Variants in KIF21B observed in about 807,000 individuals in gnomAD.
KIF21B encodes the protein kinesin family member 21B.
In KIF21B, 85 loss-of-function variants were observed where a neutral mutation model predicts 192.9. The ratio of observed to expected loss-of-function variants is 0.44; its 90% CI spans 0.37 to 0.53. The LOEUF (loss-of-function observed/expected upper bound fraction) is 0.53. Among genes scored for constraint, KIF21B ranks in the 20% least tolerant of loss-of-function variants. KIF21B has a pLI of 0.00. For missense variants in KIF21B, 1,716 were observed against 2,194.8 expected, an observed-to-expected ratio of 0.78 and a Z score of 4.36; for synonymous variants, 832 against 884.6, an observed-to-expected ratio of 0.94 and a Z score of 1.05.
rs1225521616 is a variant in KIF21B at position 200,970,680 on chromosome 1, C to T, written c.*2841G>A. On this transcript the variant is annotated 3_prime_UTR_variant, in exon 35 of 35. Transcript: ENST00000461742. ...ATCCAGGGAACCCGCTCATAAGCTT[C>T]GAAAGCACAAAGTGGGGCTTGACCC... 2 of 152,466 alleles carry T rather than the reference C, an allele frequency of 1.3e-5. No individual in the cohort carries two copies. The highest frequency in any genetic ancestry group is 2.9e-5 in the Non-Finnish European group (2 of 68,136). 9.4% of individuals were successfully genotyped at this position (152,466 alleles called of 1,614,324 possible).
chr1:200,994,115 G>A (rs1430567212), intron 15 of KIF21B, among the ~76,000 whole-genome samples: 2 of 152,160 alleles, frequency 1.3e-5, no homozygotes, highest in African/African-American at 2.4e-5. Context: ...TCATCCACCC[G>A]ACTTTGCATG....
chr1:200,973,592 C>T lies in KIF21B; in HGVS notation c.4815-14G>A. 1 of 1,522,084 alleles carries T rather than the reference C, an allele frequency of 6.6e-7. No homozygotes were observed. Among genetic ancestry groups the T allele is most frequent in the South Asian group, 1.2e-5 (1 of 82,186 alleles). 94.3% of individuals were successfully genotyped at this position (1,522,084 alleles called of 1,614,324 possible). On this transcript the variant is annotated splice_polypyrimidine_tract_variant and intron_variant, in intron 34 of 34. Transcript: ENST00000461742. Reference sequence around the variant, plus strand: ...ACCGTCAGGTCACTGGGGTGGAGGACAAAGTGGAGGGGTGCCGGTCAGCTC... The same window carrying T: ...ACCGTCAGGTCACTGGGGTGGAGGATAAAGTGGAGGGGTGCCGGTCAGCTC...
At chr1:200,989,878 T>G in intron 21 of KIF21B, 64 bp downstream of exon 21, 2 of 1,333,496 alleles carry the variant, frequency 1.5e-6, no homozygotes, top group Non-Finnish European at 2.1e-6. Flanking sequence ...GGCTTCACAC[T>G]AGGGTATATC....
chr1:201,012,534 C>CCA (rs1349040414), intron 1 of KIF21B, among the ~76,000 whole-genome samples: 1 of 152,158 alleles, frequency 6.6e-6, no homozygotes, highest in African/African-American at 2.4e-5. Flanking sequence ...AGTGGTTAAG[C>CCA]CACACACACA....
At chr1:200,973,777 G>A (rs1352868228) in intron 34 of KIF21B, 199 bp from the exon 35 acceptor site, 6 of 1,442,652 alleles carry the variant, frequency 4.2e-6, no homozygotes, top group Non-Finnish European at 5.4e-6. Flanking sequence ...GCACTCAGAG[G>A]CCCCCAGGGG....
chr1:200,990,588 C>T lies in KIF21B; in HGVS notation c.2823G>A (p.Glu941=). The T allele has an allele frequency of 6.2e-7, 1 of 1,613,988 alleles. No homozygotes were observed. Among genetic ancestry groups the T allele is most frequent in the Non-Finnish European group, 8.5e-7 (1 of 1,179,974 alleles). ...MTIVNLEADM[E]RLIKKREELF... The stretch of plus-strand genomic sequence containing the variant: ...AGGCAGGGCTCACCTTGATGAGCCG[C>T]TCCATGTCAGCCTCCAGGTTGACAA... The change falls in exon 19 of 35, where the codon GAG becomes GAA. Residue 941 remains glutamate, a synonymous_variant. Transcript: ENST00000461742. This position sits in a 1 kb window ranked among gnomAD's most constrained non-coding sequence, Gnocchi z 5.4.
intron 1 of KIF21B, among the ~76,000 whole-genome samples, chr1:201,014,238 G>A (rs980991225): frequency 6.6e-6 from 1 of 152,268 alleles, no homozygotes; most frequent in East Asian, 1.9e-4. Context: ...GCACGCGGAG[G>A]CCAGGGACAT....
intron 15 of KIF21B, 26 bp downstream of exon 15, chr1:200,996,170 C>T (rs1657050901): frequency 3.7e-6 from 6 of 1,609,134 alleles, no homozygotes; most frequent in Non-Finnish European, 5.1e-6. Flanking sequence ...ACTCCAGGCC[C>T]CACTCCTCAC....
intron 34 of KIF21B, chr1:200,974,338 A>G (rs1377264499): frequency 2.3e-6 from 2 of 876,504 alleles, no homozygotes; most frequent in South Asian, 1.8e-5. Context: ...CTCCCCACAC[A>G]GGGGGCCAGA....
chr1:200,981,062 C>T lies in KIF21B; in HGVS notation c.3877G>A (p.Ala1293Thr). The T allele has an allele frequency of 1.2e-6, 2 of 1,605,724 alleles. No homozygotes were observed. The highest frequency in any genetic ancestry group is 1.7e-5 in the Admixed American group (1 of 57,848). ...ACACACTGCAGTGGGGCCGTCCGTG[C>T]ACCCTTGGCTCCTCCAACCGGGGAG... ...IISPVGGAKG[A>T]RTAPLQCVSM... The change falls in exon 29 of 35, where the codon GCA becomes ACA. Residue 1293 changes from alanine to threonine, a missense_variant. Ala to Thr is a moderately conservative substitution (Grantham distance 58). Transcript: ENST00000461742.
In KIF21B at chr1:200,975,577, G is replaced by A; in HGVS notation, c.4536C>T (p.Ile1512=). 7.4e-6 allele frequency: 12 copies of A among 1,614,050 alleles called. No homozygotes were observed. Among genetic ancestry groups the A allele is most frequent in the Non-Finnish European group, 1.0e-5 (12 of 1,179,922 alleles). Residue 1512 remains isoleucine, a synonymous_variant, in exon 33 of 35, where the codon ATC becomes ATT. Transcript: ENST00000461742. The surrounding 1 kb of genome is among the most constrained non-coding windows in gnomAD (Gnocchi z 4.3). ...PHYDGIECLA[I]QGDILFSGSR... ...AGCCACTGAACAGGATGTCTCCCTG[G>A]ATGGCGAGACACTCGATGCCATCGT...
chr1:200,973,712 C>T, intron 34 of KIF21B, 134 bp from the exon 35 acceptor site: 4 of 1,487,914 alleles, frequency 2.7e-6, no homozygotes, highest in South Asian at 2.6e-5. Flanking sequence ...GCAAGCATGG[C>T]TTACGGGGAG....
chr1:200,997,460 T>C (rs1014354350), intron 14 of KIF21B, among the ~76,000 whole-genome samples: 1 of 152,174 alleles, frequency 6.6e-6, no homozygotes, highest in Non-Finnish European at 1.5e-5. Flanking sequence ...AAAACTCCAA[T>C]TCGGCCAGGC....
chr1:201,000,673 G>A lies in KIF21B; in HGVS notation c.1466+44C>T, dbSNP rs750332659. The A allele has an allele frequency of 2.5e-6, 4 of 1,613,552 alleles. No individual in the cohort carries two copies. In the East Asian group the frequency reaches 6.7e-5, roughly 27 times the overall value. On this transcript the variant is annotated intron_variant, in intron 10 of 34. Transcript: ENST00000461742. This position sits in a 1 kb window ranked among gnomAD's most constrained non-coding sequence, Gnocchi z 6.0. Reference sequence around the variant, plus strand: ...CCACAGCCCTTGGCGTCACCTGGCCGAGGCCCCCAGCCCGCGCACACCTGC... The same window carrying A: ...CCACAGCCCTTGGCGTCACCTGGCCAAGGCCCCCAGCCCGCGCACACCTGC...
chr1:200,974,618 G>C, intron 34 of KIF21B, 96 bp downstream of exon 34: 1 of 1,314,694 alleles, frequency 7.6e-7, no homozygotes, highest in Non-Finnish European at 1.1e-6. Flanking sequence ...CCGAGCCTGC[G>C]GGGACAACTG....
At position 201,003,636 on chromosome 1, in the gene KIF21B, G is replaced by A. The variant is rs1282841390; in HGVS notation, c.1162C>T (p.Leu388=). Residue 388 remains leucine, a synonymous_variant, in exon 8 of 35, where the codon CTG becomes TTG. Transcript: ENST00000461742. ...QDKTSQQISA[L]RAEIARLQME... The stretch of plus-strand genomic sequence containing the variant: ...TGCAGCCGAGCAATCTCAGCCCGCA[G>A]TGCACTGATTTGCTGGCTGGTCTTG... 2 of 1,614,218 alleles carry A rather than the reference G, an allele frequency of 1.2e-6. No individual in the cohort carries two copies. The highest frequency in any genetic ancestry group is 2.2e-5 in the East Asian group (1 of 44,892).
At chr1:200,974,642 C>T in intron 34 of KIF21B, 72 bp downstream of exon 34, 1 of 1,493,514 alleles carries the variant, frequency 6.7e-7, no homozygotes, top group South Asian at 1.2e-5. Context: ...GGCCCTGAGC[C>T]TCCCAGCCTC....
In KIF21B at chr1:201,011,563, G is replaced by A. The variant is rs550761721; in HGVS notation, c.42-2075C>T. 1.2e-4 allele frequency among the ~76,000 whole-genome samples: 19 copies of A among 152,360 alleles called. No individual in the cohort carries two copies. The South Asian group carries it at 3.7e-3, about 30-fold the overall frequency. ...AGAACATCTCATATATGCAGGGAGA[G>A]AGAGCAAGAGCAACCTTAGAAGGAG... On this transcript the variant is annotated intron_variant, in intron 1 of 34. Transcript: ENST00000461742.
Position 201,005,315 on chromosome 1 carries a change from G to A in KIF21B, c.725C>T (p.Pro242Leu). 1 of 1,601,298 alleles carries A rather than the reference G, an allele frequency of 6.2e-7. No homozygotes were observed. The highest frequency in any genetic ancestry group is 8.5e-7 in the Non-Finnish European group (1 of 1,173,456). ...HLCQMRMCTQPDLVNEAVTGL... is the reference protein window; with the variant it reads ...HLCQMRMCTQLDLVNEAVTGL... ...CCCCTGCAGGCTCCTCACCAGGTCG[G>A]GCTGGGTGCACATGCGCATCTGGCA... The change falls in exon 5 of 35, where the codon CCC (proline) becomes CTC (leucine). Residue 242 changes from proline to leucine, a missense_variant. This residue lies in a region of KIF21B where 1,087 missense variants were observed against 1,316.6 expected (regional missense o/e 0.83). Transcript: ENST00000461742.
Sources: allele counts gnomAD v4.1 joint callset (sites outside exome capture counted in the v4.1 genomes callset), GRCh38; gene constraint gnomAD v4.1.1; regional missense constraint gnomAD v4.1.1; non-coding constraint Gnocchi (gnomAD v3.1); transcripts MANE v1.5; gene names NCBI Gene and HGNC (gene_info 2026-07-23, HGNC 2026-07-21).